COL4A6: variants seen among roughly 807,000 people sequenced by gnomAD.
The protein encoded by COL4A6 is collagen type IV alpha 6 chain, also known as collagen alpha-6(IV) chain.
COL4A6 carries 59 observed loss-of-function variants against 126.7 expected under a neutral mutation model. The ratio of observed to expected loss-of-function variants is 0.47; its 90% confidence interval spans 0.38 to 0.58. The LOEUF (loss-of-function observed/expected upper bound fraction) is 0.58, where lower values mean the gene tolerates loss of function less well. Ranked by LOEUF, COL4A6 falls within the 20% of genes least tolerant of loss-of-function variation. The pLI is 0.00. For missense variants in COL4A6, 1,285 were observed against 1,337.3 expected (o/e 0.96, Z 0.61); for synonymous variants, 547 against 496.6 (o/e 1.10, Z -1.35).
intron 10 of COL4A6, 24 bp from the exon 11 acceptor site, chrX:108,205,504 GA>G (rs2035522336): frequency 8.5e-7 from 1 of 1,171,001 alleles, no homozygotes; most frequent in East Asian, 3.0e-5. Flanking sequence ...ATATAGGGAG[GA>G]AAAACAAAAT....
chrX:108,366,534 T>G (rs752434976), intron 2 of COL4A6, among the ~76,000 whole-genome samples: 5 of 112,287 alleles, frequency 4.5e-5, no homozygotes, highest in Non-Finnish European at 9.4e-5. Context: ...TTCTTTCTAT[T>G]TAGTCATTGA....
At chrX:108,313,113 G>A (rs752836102) in intron 2 of COL4A6, among the ~76,000 whole-genome samples, 1 of 112,615 alleles carries the variant, frequency 8.9e-6, no homozygotes, top group African/African-American at 3.2e-5. Context: ...TGTAATGCCA[G>A]CCCTGGCAGT....
At chrX:108,244,005 G>C (rs1220085646) in intron 3 of COL4A6, among the ~76,000 whole-genome samples, 5 of 111,636 alleles carry the variant, frequency 4.5e-5, no homozygotes, top group African/African-American at 1.6e-4. Context: ...GAAACACTGT[G>C]GACAATGTTA....
chrX:108,211,096 G>GC (rs1317360841), intron 7 of COL4A6, among the ~76,000 whole-genome samples: 5 of 111,668 alleles, frequency 4.5e-5, no homozygotes, highest in African/African-American at 1.6e-4. Context: ...GTTTACTTAG[G>GC]CCCCGCAGGA....
chrX:108,353,834 G>A (rs1166362689), intron 2 of COL4A6, among the ~76,000 whole-genome samples: 1 of 112,358 alleles, frequency 8.9e-6, no homozygotes. Flanking sequence ...CAACTGACAA[G>A]GAGGCACCAT....
chrX:108,180,997 T>G lies in COL4A6; in HGVS notation c.1952-29A>C, dbSNP rs765539055. The G allele has an allele frequency of 4.3e-6, 5 of 1,152,005 alleles. No homozygotes were observed. In the South Asian group the frequency reaches 9.1e-5, roughly 21 times the overall value. The allele number at this position is 1,152,005 out of a possible 1,213,427, so 94.9% of individuals were successfully genotyped here. A position where few individuals can be genotyped will look rare whatever the true frequency, so the allele number is the denominator to read the frequency against. The stretch of plus-strand genomic sequence containing the variant: ...TAAATGGTAACATGTGTGCATTCAG[T>G]GAACCCAGAGTTAGGGAAGATTTCT... On this transcript the variant is annotated intron_variant, in intron 23 of 44. Transcript: ENST00000334504.
intron 23 of COL4A6, among the ~76,000 whole-genome samples, chrX:108,183,350 G>T (rs1322903142): frequency 8.9e-6 from 1 of 112,147 alleles, no homozygotes; most frequent in Non-Finnish European, 1.9e-5. Flanking sequence ...AATGAATAAA[G>T]TTCAGACATG....
chrX:108,203,294 A>G (rs2035443658), intron 12 of COL4A6, among the ~76,000 whole-genome samples: 1 of 112,475 alleles, frequency 8.9e-6, no homozygotes, highest in African/African-American at 3.2e-5. Context: ...GAAGCTGTTC[A>G]GTACAATTTC....
In COL4A6 at chrX:108,160,451, G is replaced by A. The variant is rs2033888827; in HGVS notation, c.4525+12C>T. ...CAGGTGACCAGGGCTGGCTGTCAGA[G>A]CTGGTACCTACCCAGGTCCTGGTTG... is the stretch of plus-strand genomic sequence containing the variant. On this transcript the variant is annotated intron_variant, in intron 43 of 44. Transcript: ENST00000334504. 5.9e-6 allele frequency: 7 copies of A among 1,183,266 alleles called. No individual in the cohort carries two copies. In the Admixed American group the frequency reaches 1.4e-4, roughly 23 times the overall value.
At chrX:108,407,233 C>T (rs2041225266) in intron 2 of COL4A6, among the ~76,000 whole-genome samples, 2 of 112,104 alleles carry the variant, frequency 1.8e-5, no homozygotes, top group East Asian at 2.8e-4. Context: ...TGTTGCCTCT[C>T]CCTTGAGAGA....
intron 7 of COL4A6, 56 bp downstream of exon 7, chrX:108,211,616 A>C (rs1315695807): frequency 2.8e-6 from 3 of 1,082,541 alleles, no homozygotes; most frequent in Non-Finnish European, 3.8e-6. Context: ...GGTGGGGCCC[A>C]ATGCTGGGGA....
At chrX:108,428,238 C>T (rs756744613) in intron 2 of COL4A6, among the ~76,000 whole-genome samples, 1 of 111,935 alleles carries the variant, frequency 8.9e-6, no homozygotes, top group Non-Finnish European at 1.9e-5. Context: ...AGGCCGCATT[C>T]AAAGCCGTCC....
At chrX:108,345,333 T>C (rs923922953) in intron 2 of COL4A6, among the ~76,000 whole-genome samples, 5 of 111,790 alleles carry the variant, frequency 4.5e-5, no homozygotes, top group Admixed American at 9.5e-5. Context: ...AGTTGAAAGC[T>C]GAAATAATTT....
At chrX:108,350,139 T>C (rs1445174671) in intron 2 of COL4A6, among the ~76,000 whole-genome samples, 1 of 111,697 alleles carries the variant, frequency 9.0e-6, no homozygotes, top group Non-Finnish European at 1.9e-5. Context: ...GGCAGAAGGA[T>C]AGATAAAAAG....
At chrX:108,406,056 G>A (rs925784804) in intron 2 of COL4A6, among the ~76,000 whole-genome samples, 3 of 111,254 alleles carry the variant, frequency 2.7e-5, no homozygotes, top group Non-Finnish European at 5.7e-5. Context: ...CAGCCTTGAC[G>A]TCCTGGGCTC....
rs746802079 is a variant in COL4A6, at chrX:108,165,430, G to A, written c.3748C>T (p.Pro1250Ser). The A allele has an allele frequency of 1.3e-5, 16 of 1,204,652 alleles. No individual in the cohort carries two copies. Among genetic ancestry groups the A allele is most frequent in the Non-Finnish European group, 1.1e-6 (1 of 893,371 alleles). ...CCAGGCTGTCCTGCTATGAGTGAGG[G>A]CAAGGAGATGCCTGGGGCACCGGGG... ...GLPGAPGISL[P>S]SLIAGQPGDP... The change falls in exon 38 of 45, where the codon CCC becomes TCC. Residue 1250 changes from proline to serine, a missense_variant. Transcript: ENST00000334504.
chrX:108,292,226 C>T (rs1185562772), intron 3 of COL4A6, among the ~76,000 whole-genome samples: 1 of 111,910 alleles, frequency 8.9e-6, no homozygotes, highest in Non-Finnish European at 1.9e-5. Context: ...AAGTAGGCAC[C>T]ACTTATACCA....
rs928894320 is a variant in COL4A6 at position 108,219,739 on chromosome X, G to C, written c.283C>G (p.Pro95Ala). ...CCAAGAAAGCCAGGAACTCCCATGG[G>C]ACCCTAAAAAAAGGAGTAGGGAGAG... ...GPYGPKGDKG[P>A]MGVPGFLGIN... The change falls in exon 5 of 45, where the codon CCC becomes GCC. Residue 95 changes from proline (P) to alanine (A), a missense_variant. Physicochemically the swap from Pro to Ala is conservative, Grantham distance 27. Transcript: ENST00000334504. 2 of 1,204,861 alleles carry C rather than the reference G, an allele frequency of 1.7e-6. No homozygotes were observed. Among genetic ancestry groups the C allele is most frequent in the East Asian group, 5.9e-5 (2 of 33,770 alleles).
intron 37 of COL4A6, among the ~76,000 whole-genome samples, chrX:108,167,745 G>T (rs1207062847): frequency 9.0e-6 from 1 of 111,659 alleles, no homozygotes; most frequent in African/African-American, 3.3e-5. Flanking sequence ...GATATTTCTT[G>T]TATTCTTTTT....
Sources: gnomAD v4.1 joint callset for allele counts (sites outside exome capture counted in the v4.1 genomes callset) on GRCh38, gnomAD v4.1.1 for gene constraint, MANE v1.5 for transcripts, NCBI Gene and HGNC (gene_info 2026-07-23, HGNC 2026-07-21) for gene names.